STAB2: variants seen among roughly 807,000 people sequenced by gnomAD.
STAB2 encodes stabilin 2.
In STAB2, 288 loss-of-function variants were observed where a neutral mutation model predicts 338.1. The observed-to-expected ratio is 0.85, with a 90% CI of 0.77 to 0.94. The LOEUF is 0.94. Among genes scored for constraint, STAB2 ranks in the 40% least tolerant of loss-of-function variants. STAB2 has a pLI of 0.00. For missense variants in STAB2, 3,141 were observed against 3,210.1 expected, an observed-to-expected ratio of 0.98 and a Z score of 0.52; for synonymous variants, 1,202 against 1,193.3, an observed-to-expected ratio of 1.01 and a Z score of -0.15.
Position 103,705,661 on chromosome 12 carries a change from C to A in STAB2, c.3930C>A (p.Thr1310=), listed in dbSNP as rs1226156722. ...LGNEKRRCIY[T]SYFMGRRTLF... Reference sequence around the variant, plus strand: ...ATGAGAAGAGGAGATGCATCTATACCTCCTATTTCATGGGAAGACGAACCC... The same window carrying A: ...ATGAGAAGAGGAGATGCATCTATACATCCTATTTCATGGGAAGACGAACCC... The change falls in exon 37 of 69, where the codon ACC becomes ACA. Residue 1310 remains threonine (T), a synonymous_variant. Transcript: ENST00000388887. 1 of 1,614,168 alleles carries A rather than the reference C, an allele frequency of 6.2e-7. No individual in the cohort carries two copies. The highest frequency in any genetic ancestry group is 1.7e-5 in the Admixed American group (1 of 60,026).
intron 60 of STAB2, among the ~76,000 whole-genome samples, chr12:103,751,239 G>A (rs556630064): frequency 1.7e-4 from 26 of 152,270 alleles, no homozygotes; most frequent in Non-Finnish European, 3.2e-4. Flanking sequence ...CTTGAATTGG[G>A]CTAGAGGAGC....
chr12:103,616,468 T>C (rs1260725862), intron 3 of STAB2, among the ~76,000 whole-genome samples: 2 of 152,242 alleles, frequency 1.3e-5, no homozygotes, highest in Non-Finnish European at 2.9e-5. Context: ...GGAGATAAGT[T>C]GGTTCCATGC....
At chr12:103,609,240 T>G (rs974859392) in intron 3 of STAB2, among the ~76,000 whole-genome samples, 2 of 152,220 alleles carry the variant, frequency 1.3e-5, no homozygotes, top group African/African-American at 4.8e-5. Flanking sequence ...ATTGGTAGCT[T>G]GATGGGGATG....
At chr12:103,701,598 C>A (rs539524451) in intron 34 of STAB2, among the ~76,000 whole-genome samples, 3 of 152,132 alleles carry the variant, frequency 2.0e-5, no homozygotes, top group South Asian at 2.1e-4. Flanking sequence ...TTTTTAAATG[C>A]CAAATCAACA....
At chr12:103,759,028 A>G in intron 64 of STAB2, 105 bp from the exon 65 acceptor site, 1 of 1,581,584 alleles carries the variant, frequency 6.3e-7, no homozygotes, top group Non-Finnish European at 8.7e-7. Flanking sequence ...GGAGGCAGGA[A>G]AGCCTAGGCC....
chr12:103,620,388 T>G, intron 3 of STAB2, 80 bp from the exon 4 acceptor site: 1 of 888,980 alleles, frequency 1.1e-6, no homozygotes, highest in Non-Finnish European at 1.6e-6. Flanking sequence ...CTAGCACACT[T>G]AGTAGGTGTT....
chr12:103,668,254 G>A (rs1875353456), intron 19 of STAB2, among the ~76,000 whole-genome samples: 1 of 152,232 alleles, frequency 6.6e-6, no homozygotes, highest in African/African-American at 2.4e-5. Flanking sequence ...TTTCAATGAA[G>A]TGTAGATAGA....
chr12:103,649,728 G>A (rs541426399), intron 10 of STAB2, among the ~76,000 whole-genome samples: 3 of 152,202 alleles, frequency 2.0e-5, no homozygotes, highest in East Asian at 3.9e-4. Context: ...ATCCCATAGG[G>A]CATCAAGTAT....
chr12:103,712,590 C>T (rs920087925), intron 41 of STAB2, 147 bp downstream of exon 41: 6 of 673,558 alleles, frequency 8.9e-6, no homozygotes, highest in South Asian at 1.7e-5. Flanking sequence ...TTGATTGTGC[C>T]TGGGGACAGG....
chr12:103,630,143 G>A (rs1353218835), intron 5 of STAB2, among the ~76,000 whole-genome samples: 1 of 152,184 alleles, frequency 6.6e-6, no homozygotes, highest in Admixed American at 6.5e-5. Context: ...GAATGAAATG[G>A]AGAGGCAAGA....
chr12:103,757,415 T>C (rs1256477037), intron 63 of STAB2, among the ~76,000 whole-genome samples: 1 of 152,206 alleles, frequency 6.6e-6, no homozygotes, highest in Admixed American at 6.5e-5. Context: ...GCACTTACCA[T>C]GTGCTTGAGA....
At chr12:103,653,862 GGA>G (rs1873971200) in intron 12 of STAB2, among the ~76,000 whole-genome samples, 1 of 151,060 alleles carries the variant, frequency 6.6e-6, no homozygotes, top group African/African-American at 2.4e-5. Flanking sequence ...ATGGATGGAT[GGA>G]TGGATGGATG....
At chr12:103,588,262 T>C (rs1956742904) in intron 1 of STAB2, among the ~76,000 whole-genome samples, 1 of 152,250 alleles carries the variant, frequency 6.6e-6, no homozygotes, top group Admixed American at 6.5e-5. Context: ...GCTCTGATAA[T>C]GTTTTCATGA....
intron 5 of STAB2, among the ~76,000 whole-genome samples, chr12:103,626,588 G>A (rs1322857728): frequency 1.3e-5 from 2 of 152,254 alleles, no homozygotes; most frequent in East Asian, 1.9e-4. Flanking sequence ...AGCAAGTCAC[G>A]GATGAATGAA....
intron 5 of STAB2, among the ~76,000 whole-genome samples, chr12:103,629,224 T>C (rs1957423838): frequency 6.6e-6 from 1 of 152,158 alleles, no homozygotes; most frequent in Non-Finnish European, 1.5e-5. Flanking sequence ...TGTCACAGAA[T>C]ATCACCATCA....
chr12:103,728,867 T>C lies in STAB2; in HGVS notation c.4954T>C (p.Tyr1652His). ...GTTACAGGTTAAAGACTGGGACAAATACGGTTTAATGCCCCAGGTTCTTCG... is the reference window on the plus strand; with the variant it reads ...GTTACAGGTTAAAGACTGGGACAAACACGGTTTAATGCCCCAGGTTCTTCG... ...EEARVKDWDK[Y>H]GLMPQVLRYH... The change falls in exon 48 of 69, where the codon TAC becomes CAC. Residue 1652 changes from tyrosine to histidine, a missense_variant. Transcript: ENST00000388887. The C allele has an allele frequency of 6.2e-7, 1 of 1,613,928 alleles. No individual in the cohort carries two copies. The highest frequency in any genetic ancestry group is 8.5e-7 in the Non-Finnish European group (1 of 1,179,848).
Position 103,701,977 on chromosome 12 carries a change from TACACACACACACACACACACACAC to T in STAB2, c.3715-1148_3715-1125del, listed in dbSNP as rs71097990. Among the ~76,000 whole-genome samples the T allele has an allele frequency of 5.6e-5, 8 of 144,032 alleles. No individual in the cohort carries two copies. In the East Asian group the frequency reaches 1.2e-3, roughly 22 times the overall value. 94.5% of individuals were successfully genotyped at this position (144,032 alleles called of 152,430 possible). On this transcript the variant is annotated intron_variant, in intron 34 of 68. Coordinates refer to ENST00000388887, the MANE Select transcript of STAB2 (RefSeq NM_017564.10). ...TCCCCTCTCCCAACTTCAGCCCTGC[TACACACACACACACACACACACAC>T]ACACACACACACACACACACACCCC...
intron 38 of STAB2, among the ~76,000 whole-genome samples, chr12:103,707,877 C>T (rs554478836): frequency 3.2e-4 from 49 of 152,304 alleles, no homozygotes; most frequent in Admixed American, 1.3e-3. Context: ...GAGTAATTAT[C>T]TGCTTGCATT....
chr12:103,762,542 A>G, intron 67 of STAB2, 140 bp downstream of exon 67: 1 of 1,297,048 alleles, frequency 7.7e-7, no homozygotes, highest in Non-Finnish European at 1.1e-6. Flanking sequence ...GCGGCCACCC[A>G]CCCCACGCTT....
Sources: gnomAD v4.1 joint callset for allele counts (sites outside exome capture counted in the v4.1 genomes callset) on GRCh38, gnomAD v4.1.1 for gene constraint, MANE v1.5 for transcripts, NCBI Gene and HGNC (gene_info 2026-07-23, HGNC 2026-07-21) for gene names.